DISP1: variants seen among roughly 807,000 people sequenced by gnomAD.
The protein encoded by DISP1 is dispatched RND transporter family member 1, also known as protein dispatched homolog 1.
In DISP1, 30 loss-of-function variants were observed where a neutral mutation model predicts 37.3. That is an observed-to-expected ratio of 0.80 (90% CI 0.60 to 1.09). The LOEUF (loss-of-function observed/expected upper bound fraction) is 1.09. Among genes scored for constraint, DISP1 ranks in the 50% least tolerant of loss-of-function variants. The pLI is 0.00. For missense variants in DISP1, 1,598 were observed against 1,879.5 expected (o/e 0.85, Z 2.77); for synonymous variants, 634 against 690.2 (o/e 0.92, Z 1.28).
chr1:222,893,746 G>T lies in DISP1; in HGVS notation c.-158-34684G>T, dbSNP rs1055289138. On this transcript the variant is annotated intron_variant, in intron 1 of 8. Transcript: ENST00000675850. This position sits in a 1 kb window ranked among gnomAD's most constrained non-coding sequence, Gnocchi z 4.3. ...GAGTGTCACAACCCTGGCTCCGGGA[G>T]CTCCTAGATGTGGGCTCCCTTCTCT... Among the ~76,000 whole-genome samples the T allele has an allele frequency of 6.6e-6, 1 of 152,208 alleles. No homozygotes were observed. The highest frequency in any genetic ancestry group is 2.1e-4 in the South Asian group (1 of 4,834).
chr1:222,835,903 C>T (rs1044326155), intron 1 of DISP1, among the ~76,000 whole-genome samples: 10 of 147,778 alleles, frequency 6.8e-5, no homozygotes, highest in South Asian at 2.1e-4. Context: ...AGCAGTGAGC[C>T]GAGATCGTGT....
chr1:222,984,142 AC>A (rs2102705262), intron 4 of DISP1, among the ~76,000 whole-genome samples: 2 of 152,178 alleles, frequency 1.3e-5, no homozygotes, highest in South Asian at 4.1e-4. Context: ...GCAGTGGCTC[AC>A]GCCTATAATC....
chr1:222,904,939 G>A (rs1671817497), intron 1 of DISP1, among the ~76,000 whole-genome samples: 1 of 152,102 alleles, frequency 6.6e-6, no homozygotes, highest in Non-Finnish European at 1.5e-5. Flanking sequence ...AACTGTATTT[G>A]TTACCAGAAA....
chr1:222,971,056 C>G (rs1009263031), intron 3 of DISP1, among the ~76,000 whole-genome samples: 5 of 151,956 alleles, frequency 3.3e-5, no homozygotes, highest in Non-Finnish European at 4.4e-5. Context: ...TTTCTAATCT[C>G]AGATTTTGAG....
In DISP1 at chr1:222,956,930, A is replaced by T. The variant is rs535283378; in HGVS notation, c.509+13598A>T. On this transcript the variant is annotated intron_variant, in intron 3 of 8. Coordinates refer to ENST00000675850, the MANE Select transcript of DISP1 (RefSeq NM_001377229.1). The stretch of plus-strand genomic sequence containing the variant: ...GTCTGGCATGAAAAGGCTTGAGTTT[A>T]AGGGTAAGTACTTTATAATTTAGTG... Among the ~76,000 whole-genome samples, 105 of 152,246 alleles carry T rather than the reference A, an allele frequency of 6.9e-4. 1 individual carries two copies. The highest frequency in any genetic ancestry group is 2.4e-3 in the African/African-American group (101 of 41,560).
chr1:222,936,708 T>TATCATATATCATATATATGATATATAAAA (rs1673786338), intron 2 of DISP1, among the ~76,000 whole-genome samples: 1 of 96,202 alleles, frequency 1.0e-5, no homozygotes, highest in Non-Finnish European at 2.1e-5. Flanking sequence ...ATATCATATA[T>TATCATATATCATATATATGATATATAAAA]ATTATATATC....
In DISP1 at chr1:222,863,536, C is replaced by CAA. The variant is rs35141337; in HGVS notation, c.-159+48472_-159+48473dup. On this transcript the variant is annotated intron_variant, in intron 1 of 8. Transcript: ENST00000675850. ...TGGGTGACAGATTGAGACCCTATCT[C>CAA]AAAAAAAAAAAAAAATCTGTGGGGA... Among the ~76,000 whole-genome samples the CAA allele has an allele frequency of 3.3e-3, 440 of 131,722 alleles. 2 individuals carry two copies. Among genetic ancestry groups the CAA allele is most frequent in the African/African-American group, 0.011 (384 of 35,604 alleles). 86.4% of individuals were successfully genotyped at this position (131,722 alleles called of 152,430 possible). A position where few individuals can be genotyped will look rare whatever the true frequency, so the allele number is the denominator to read the frequency against.
At chr1:222,830,528 G>A (rs1488829139) in intron 1 of DISP1, among the ~76,000 whole-genome samples, 1 of 151,980 alleles carries the variant, frequency 6.6e-6, no homozygotes, top group African/African-American at 2.4e-5. Flanking sequence ...CTATAGGCGC[G>A]TGTCACCATG....
At chr1:222,822,777 A>G (rs1356997701) in intron 1 of DISP1, among the ~76,000 whole-genome samples, 2 of 152,222 alleles carry the variant, frequency 1.3e-5, no homozygotes, top group East Asian at 3.8e-4. Flanking sequence ...TGGTGTGATC[A>G]TTATATTTGT....
At chr1:222,860,538 T>C (rs1196970076) in intron 1 of DISP1, among the ~76,000 whole-genome samples, 4 of 152,156 alleles carry the variant, frequency 2.6e-5, no homozygotes, top group Admixed American at 2.6e-4. Flanking sequence ...ATGCCTGAGA[T>C]ATTAAATTTT....
At chr1:222,855,547 G>C (rs1477454215) in intron 1 of DISP1, among the ~76,000 whole-genome samples, 1 of 152,122 alleles carries the variant, frequency 6.6e-6, no homozygotes, top group Non-Finnish European at 1.5e-5. Flanking sequence ...TATACTAGCA[G>C]ATACAGCTAT....
intron 2 of DISP1, among the ~76,000 whole-genome samples, chr1:222,938,246 T>A (rs894915053): frequency 3.3e-5 from 5 of 152,192 alleles, no homozygotes; most frequent in African/African-American, 1.2e-4. Flanking sequence ...CTATAAATAT[T>A]ACTATCACTG....
At chr1:222,827,506 A>G (rs1466234587) in intron 1 of DISP1, 2 of 152,176 alleles carry the variant, frequency 1.3e-5, no homozygotes, top group Non-Finnish European at 2.9e-5. Flanking sequence ...TGGGAGTACA[A>G]TTTCTAAACT....
At chr1:222,984,435 T>TATATAGAG (rs67660273) in intron 4 of DISP1, among the ~76,000 whole-genome samples, 2,037 of 108,298 alleles carry the variant, frequency 0.019, 83 homozygotes, top group Admixed American at 0.036. Context: ...TATATATATA[T>TATATAGAG]AGAGAGAGAG....
intron 3 of DISP1, among the ~76,000 whole-genome samples, chr1:222,975,085 G>C (rs1677215499): frequency 6.6e-6 from 1 of 152,038 alleles, no homozygotes; most frequent in South Asian, 2.1e-4. Context: ...TTTCTTCATG[G>C]TGCAATCTTG....
In DISP1 at chr1:222,900,569, A is replaced by C. The variant is rs533271488; in HGVS notation, c.-158-27861A>C. On this transcript the variant is annotated intron_variant, in intron 1 of 8. Transcript: ENST00000675850. ...ATGATATGGAAAAGTAATGATCCTC[A>C]ACAAATTTGTAAACTATATACTTGG... is the stretch of plus-strand genomic sequence containing the variant. Among the ~76,000 whole-genome samples the C allele has an allele frequency of 2.8e-4, 43 of 152,328 alleles. 1 individual carries two copies. In the South Asian group the frequency reaches 8.9e-3, roughly 32 times the overall value.
chr1:222,857,806 C>A (rs1668635444), intron 1 of DISP1, among the ~76,000 whole-genome samples: 1 of 152,246 alleles, frequency 6.6e-6, no homozygotes, highest in African/African-American at 2.4e-5. Flanking sequence ...GAAGAACATT[C>A]CATGCATATG....
chr1:222,964,179 G>T (rs1252556418), intron 3 of DISP1, among the ~76,000 whole-genome samples: 1 of 151,800 alleles, frequency 6.6e-6, no homozygotes, highest in African/African-American at 2.4e-5. Flanking sequence ...GGCACCTGTA[G>T]TTCCAGCTAC....
chr1:222,899,201 G>C (rs1055743941), intron 1 of DISP1, among the ~76,000 whole-genome samples: 1 of 152,152 alleles, frequency 6.6e-6, no homozygotes, highest in Non-Finnish European at 1.5e-5. Flanking sequence ...CCATGTCATT[G>C]TGCTACCTCC....
Sources: gnomAD v4.1 joint callset for allele counts (sites outside exome capture counted in the v4.1 genomes callset) on GRCh38, gnomAD v4.1.1 for gene constraint, Gnocchi (gnomAD v3.1) non-coding constraint, MANE v1.5 for transcripts, NCBI Gene and HGNC (gene_info 2026-07-23, HGNC 2026-07-21) for gene names.